The following NEBL variants were observed in gnomAD, a reference collection of about 807,000 sequenced individuals.
NEBL encodes the protein LIM and SH3 protein 2.
In NEBL, 122 loss-of-function variants were observed where a neutral mutation model predicts 140.2. That is an observed-to-expected ratio of 0.87 (90% CI 0.75 to 1.01). The LOEUF (loss-of-function observed/expected upper bound fraction) is 1.01, where lower values mean the gene tolerates loss of function less well. Ranked by LOEUF, NEBL falls within the 50% of genes least tolerant of loss-of-function variation. The pLI is 0.00. For missense variants in NEBL, 1,365 were observed against 1,231.3 expected, an observed-to-expected ratio of 1.11 and a Z score of -1.62; for synonymous variants, 436 against 398.9, an observed-to-expected ratio of 1.09 and a Z score of -1.11.
chr10:20,950,054 T>C (rs984328560), intron 4 of NEBL, among the ~76,000 whole-genome samples: 1 of 152,182 alleles, frequency 6.6e-6, no homozygotes, highest in African/African-American at 2.4e-5. Context: ...TAACACAGCA[T>C]TTCCCTCTAT....
At chr10:20,955,056 A>G (rs186437962) in intron 4 of NEBL, among the ~76,000 whole-genome samples, 1 of 152,362 alleles carries the variant, frequency 6.6e-6, no homozygotes, top group East Asian at 1.9e-4. Flanking sequence ...TGTGCATTTT[A>G]GGAAAACCTT....
upstream of NEBL, chr10:21,174,668 C>G (rs1373496772): frequency 2.0e-5 from 3 of 152,232 alleles, no homozygotes; most frequent in African/African-American, 7.2e-5. Context: ...GCCGGGAGAT[C>G]CGCGGGGAAC....
chr10:21,287,942 A>T (rs1341084223), intron 1 of NEBL, among the ~76,000 whole-genome samples: 1 of 152,246 alleles, frequency 6.6e-6, no homozygotes, highest in East Asian at 1.9e-4. Context: ...TAGGCAGAGC[A>T]TATGTTCATA....
At chr10:20,893,863 A>G (rs2131391066) in intron 2 of NEBL, among the ~76,000 whole-genome samples, 1 of 152,338 alleles carries the variant, frequency 6.6e-6, no homozygotes, top group South Asian at 2.1e-4. Context: ...ATGGGTCCTA[A>G]GCTATCAGCT....
chr10:20,938,916 C>A (rs1459897254), intron 4 of NEBL, among the ~76,000 whole-genome samples: 3 of 152,116 alleles, frequency 2.0e-5, no homozygotes, highest in African/African-American at 7.2e-5. Flanking sequence ...TGAACAAAAC[C>A]TCCAAGAAAT....
chr10:20,979,683 A>G (rs11012445), intron 3 of NEBL, among the ~76,000 whole-genome samples: 24,906 of 152,090 alleles, frequency 0.16, 3,519 homozygotes, highest in East Asian at 0.39. Flanking sequence ...CAAACATAAT[A>G]TAACACAGTT....
chr10:21,237,943 G>A (rs997019337), intron 3 of NEBL, among the ~76,000 whole-genome samples: 2 of 152,150 alleles, frequency 1.3e-5, no homozygotes, highest in Admixed American at 6.6e-5. Context: ...TTAATTTATT[G>A]TTAGTTTTCT....
chr10:20,817,776 C>A, intron 20 of NEBL, 84 bp from the exon 21 acceptor site: 4 of 1,122,998 alleles, frequency 3.6e-6, no homozygotes, highest in Non-Finnish European at 5.4e-6. Flanking sequence ...AAAATTAGCA[C>A]CATCTTTTTA....
At chr10:21,018,125 T>A (rs1250396437) in intron 3 of NEBL, among the ~76,000 whole-genome samples, 3 of 152,118 alleles carry the variant, frequency 2.0e-5, no homozygotes, top group African/African-American at 7.2e-5. Flanking sequence ...CCCAGCCTGA[T>A]CTTTCTCTTT....
intron 4 of NEBL, among the ~76,000 whole-genome samples, chr10:20,905,104 G>A (rs1848033727): frequency 6.6e-6 from 1 of 152,144 alleles, no homozygotes; most frequent in Non-Finnish European, 1.5e-5. Context: ...AAAGGAAAGG[G>A]TTTTGGGGGT....
intron 17 of NEBL, among the ~76,000 whole-genome samples, chr10:20,826,947 T>C (rs889101611): frequency 6.6e-6 from 1 of 152,232 alleles, no homozygotes; most frequent in African/African-American, 2.4e-5. Context: ...AGGCAACTTC[T>C]ATGCTCCAAA....
chr10:21,047,212 A>G (rs1589171278), intron 2 of NEBL, among the ~76,000 whole-genome samples: 1 of 152,212 alleles, frequency 6.6e-6, no homozygotes, highest in Non-Finnish European at 1.5e-5. Flanking sequence ...GATTTACTCA[A>G]GAACAAAAAT....
chr10:20,953,489 G>T (rs1252586435), intron 4 of NEBL, among the ~76,000 whole-genome samples: 1 of 148,236 alleles, frequency 6.7e-6, no homozygotes, highest in Non-Finnish European at 1.5e-5. Context: ...TGCCTGAGCA[G>T]ACTAAGACAA....
intron 1 of NEBL, among the ~76,000 whole-genome samples, chr10:21,258,807 A>T (rs973483815): frequency 2.6e-5 from 4 of 152,278 alleles, no homozygotes; most frequent in Non-Finnish European, 5.9e-5. Context: ...TGAACTCAGG[A>T]AGCAGAGGTT....
chr10:20,846,166 C>A (rs1373621466), intron 11 of NEBL, among the ~76,000 whole-genome samples: 1 of 152,122 alleles, frequency 6.6e-6, no homozygotes, highest in African/African-American at 2.4e-5. Context: ...ATAATGCATG[C>A]TTTATGACTA....
chr10:20,980,110 T>C (rs912400101), intron 3 of NEBL, among the ~76,000 whole-genome samples: 11 of 150,750 alleles, frequency 7.3e-5, no homozygotes, highest in Non-Finnish European at 1.0e-4. Context: ...AGAAATTCCA[T>C]AGGGCTTGTA....
Position 21,246,498 on chromosome 10 carries a change from T to C in NEBL, n.348+1423A>G, listed in dbSNP as rs1040357843. ...GGATAAGTGAGTCCTTTTTTTTTAA[T>C]TGGGCCAGGCACAATGGCTCACGCC... On this transcript the variant is annotated intron_variant and non_coding_transcript_variant, in intron 3 of 8. Transcript: ENST00000675702. Among the ~76,000 whole-genome samples, 12 of 152,290 alleles carry C rather than the reference T, an allele frequency of 7.9e-5. No individual in the cohort carries two copies. In the East Asian group the frequency reaches 2.3e-3, roughly 29 times the overall value.
At chr10:21,029,257 T>A in intron 2 of NEBL, 1 of 1,576,216 alleles carries the variant, frequency 6.3e-7, no homozygotes, top group Non-Finnish European at 8.7e-7. Context: ...CAATATCAAC[T>A]GGAGCTTTCT....
intron 4 of NEBL, among the ~76,000 whole-genome samples, chr10:20,925,621 T>C (rs1013008299): frequency 6.6e-6 from 1 of 152,140 alleles, no homozygotes; most frequent in Non-Finnish European, 1.5e-5. Context: ...AATTATTATA[T>C]GAATTGCTGC....
Sources: allele counts gnomAD v4.1 joint callset (sites outside exome capture counted in the v4.1 genomes callset), GRCh38; gene constraint gnomAD v4.1.1; transcripts MANE v1.5; gene names NCBI Gene and HGNC (gene_info 2026-07-23, HGNC 2026-07-21).